PPP3R1: variants seen among roughly 807,000 people sequenced by gnomAD.
PPP3R1 encodes the protein protein phosphatase 3 regulatory subunit B, alpha, also known as calcineurin subunit B type 1.
PPP3R1 carries 5 observed loss-of-function variants against 22.6 expected under a neutral mutation model. The ratio of observed to expected loss-of-function variants is 0.22; its 90% CI spans 0.12 to 0.46. The LOEUF is 0.46. Among genes scored for constraint, PPP3R1 ranks in the 20% least tolerant of loss-of-function variants. PPP3R1 has a pLI of 0.99. For missense variants in PPP3R1, 61 were observed against 203.2 expected (o/e 0.30, Z 4.25); for synonymous variants, 56 against 65.2 (o/e 0.86, Z 0.68).
intron 2 of PPP3R1, among the ~76,000 whole-genome samples, chr2:68,215,090 T>G (rs1669553900): frequency 6.6e-6 from 1 of 151,888 alleles, no homozygotes; most frequent in East Asian, 1.9e-4. Context: ...CAAGAACACA[T>G]GGACACAAAA....
At chr2:68,186,046 A>G (rs1418695774) in intron 5 of PPP3R1, among the ~76,000 whole-genome samples, 6 of 152,228 alleles carry the variant, frequency 3.9e-5, no homozygotes, top group Non-Finnish European at 1.5e-5. Flanking sequence ...AAAAATTTCA[A>G]AACTTTGTTA....
At chr2:68,223,884 T>C (rs564200377) in intron 1 of PPP3R1, among the ~76,000 whole-genome samples, 2 of 150,212 alleles carry the variant, frequency 1.3e-5, no homozygotes, top group African/African-American at 2.4e-5. Flanking sequence ...TAATTGTGTA[T>C]GTACATAAAT....
intron 1 of PPP3R1, among the ~76,000 whole-genome samples, chr2:68,236,157 T>C (rs1345998485): frequency 6.6e-6 from 1 of 152,218 alleles, no homozygotes; most frequent in African/African-American, 2.4e-5. Context: ...TTTTGAAGCT[T>C]AGATTTGTTA....
chr2:68,248,154 C>T (rs6546365), intron 1 of PPP3R1, among the ~76,000 whole-genome samples: 69,106 of 151,848 alleles, frequency 0.46, 15,995 homozygotes, highest in South Asian at 0.62. Flanking sequence ...ATATCTCATG[C>T]TTCCATGACT....
At chr2:68,232,253 GTGTGTGTGTGTGTATA>G (rs1558641514) in intron 1 of PPP3R1, among the ~76,000 whole-genome samples, 858 of 69,550 alleles carry the variant, frequency 0.012, 13 homozygotes, top group African/African-American at 0.084. Flanking sequence ...GTGTGTGTGT[GTGTGTGTGTGTGTATA>G]TATATATACA....
intron 2 of PPP3R1, among the ~76,000 whole-genome samples, chr2:68,203,975 C>T (rs1675050457): frequency 6.6e-6 from 1 of 152,152 alleles, no homozygotes; most frequent in Non-Finnish European, 1.5e-5. Context: ...CTTTCACCTA[C>T]ATTTAGTCTA....
Position 68,180,919 on chromosome 2 carries a change from T to G in PPP3R1, c.*44A>C. On this transcript the variant is annotated 3_prime_UTR_variant, in exon 6 of 6. Coordinates refer to ENST00000234310, the MANE Select transcript of PPP3R1 (RefSeq NM_000945.4). ...GACGTCTTGAGCAGATCTTCAGAGA[T>G]GGAGAAGAAAGCAAAAGTGTTGGGT... The G allele has an allele frequency of 6.4e-7, 1 of 1,554,728 alleles. No individual in the cohort carries two copies. Among genetic ancestry groups the G allele is most frequent in the Non-Finnish European group, 8.9e-7 (1 of 1,127,090 alleles).
chr2:68,193,237 G>A (rs1674701579), intron 2 of PPP3R1, among the ~76,000 whole-genome samples: 1 of 152,084 alleles, frequency 6.6e-6, no homozygotes, highest in Admixed American at 6.5e-5. Flanking sequence ...ATGACTAGGA[G>A]GGAACAAGCT....
intron 1 of PPP3R1, among the ~76,000 whole-genome samples, chr2:68,247,069 C>A (rs544982602): frequency 6.7e-6 from 1 of 150,286 alleles, no homozygotes. Context: ...CATCCTCCCA[C>A]CTCTGCCTCC....
intron 2 of PPP3R1, among the ~76,000 whole-genome samples, chr2:68,206,985 C>A (rs868617382): frequency 2.0e-5 from 3 of 151,720 alleles, no homozygotes; most frequent in Non-Finnish European, 4.4e-5. Flanking sequence ...CAGGAATTAA[C>A]CTAAATAGGG....
At chr2:68,217,012 AC>A in intron 2 of PPP3R1, 79 bp downstream of exon 2, 1 of 276,126 alleles carries the variant, frequency 3.6e-6, no homozygotes, top group Non-Finnish European at 6.0e-6. Context: ...GAGGTATGAT[AC>A]ACACACACAC....
intron 1 of PPP3R1, among the ~76,000 whole-genome samples, chr2:68,227,833 T>G (rs1669816402): frequency 6.6e-6 from 1 of 152,050 alleles, no homozygotes; most frequent in South Asian, 2.1e-4. Flanking sequence ...TGTGCACAAT[T>G]TCGCCGAACT....
chr2:68,199,775 T>C (rs1674934565), intron 2 of PPP3R1, among the ~76,000 whole-genome samples: 1 of 152,230 alleles, frequency 6.6e-6, no homozygotes, highest in African/African-American at 2.4e-5. Flanking sequence ...ATTGCATTAC[T>C]GGTATAAAAA....
At chr2:68,202,714 T>G (rs1165051968) in intron 2 of PPP3R1, among the ~76,000 whole-genome samples, 1 of 151,666 alleles carries the variant, frequency 6.6e-6, no homozygotes, top group Non-Finnish European at 1.5e-5. Flanking sequence ...TGTAAGCCAC[T>G]GTGCCCGGCC....
chr2:68,225,994 C>T (rs80047876), intron 1 of PPP3R1, among the ~76,000 whole-genome samples: 405 of 152,182 alleles, frequency 2.7e-3, no homozygotes, highest in African/African-American at 9.5e-3. Flanking sequence ...GAGTACTATT[C>T]GGTAATGAAT....
chr2:68,237,447 T>C (rs1670039466), intron 1 of PPP3R1, among the ~76,000 whole-genome samples: 1 of 152,164 alleles, frequency 6.6e-6, no homozygotes, highest in Non-Finnish European at 1.5e-5. Context: ...TACCATATCA[T>C]GTTACTTCTC....
intron 1 of PPP3R1, among the ~76,000 whole-genome samples, chr2:68,235,375 C>T (rs766247518): frequency 1.3e-5 from 2 of 152,258 alleles, no homozygotes; most frequent in African/African-American, 4.8e-5. Flanking sequence ...CCCAACTCCC[C>T]CTCAGGCCAG....
intron 1 of PPP3R1, among the ~76,000 whole-genome samples, chr2:68,229,197 A>C (rs920388651): frequency 5.3e-5 from 8 of 151,414 alleles, no homozygotes; most frequent in African/African-American, 1.7e-4. Context: ...TTTTTCATGG[A>C]GACTGAGTCT....
rs561481581 is a variant in PPP3R1, at chr2:68,185,468, TTA to T, written c.465+998_465+999del. Among the ~76,000 whole-genome samples, 807 of 147,800 alleles carry T rather than the reference TTA, an allele frequency of 5.5e-3. 6 individuals are homozygous for T. The highest frequency in any genetic ancestry group is 0.019 in the African/African-American group (767 of 40,854). On this transcript the variant is annotated intron_variant, in intron 5 of 5. Coordinates refer to ENST00000234310, the MANE Select transcript of PPP3R1 (RefSeq NM_000945.4). The stretch of plus-strand genomic sequence containing the variant: ...TTATATTATATTTATAATTTATATA[TTA>T]TATATATGTAAAATATACATAAGAT...
Sources: allele counts gnomAD v4.1 joint callset (sites outside exome capture counted in the v4.1 genomes callset), GRCh38; gene constraint gnomAD v4.1.1; transcripts MANE v1.5; gene names NCBI Gene and HGNC (gene_info 2026-07-23, HGNC 2026-07-21).